SHCBP1L: variants seen among roughly 807,000 people sequenced by gnomAD.
SHCBP1L encodes SHC binding and spindle associated 1 like, also known as testicular spindle-associated protein SHCBP1L.
A neutral mutation model predicts 62.5 loss-of-function variants in SHCBP1L; 67 were observed. The observed-to-expected ratio is 1.07, with a 90% CI of 0.88 to 1.31. The LOEUF (loss-of-function observed/expected upper bound fraction) is 1.31, where lower values mean the gene tolerates loss of function less well. SHCBP1L is among the 40% of genes most tolerant of loss of function. SHCBP1L has a pLI of 0.00. For missense variants in SHCBP1L, 823 were observed against 809.8 expected (o/e 1.02, Z -0.20); for synonymous variants, 284 against 289.4 (o/e 0.98, Z 0.19).
chr1:182,924,696 GAAAGGAAGAAAGAAAGA>G (rs1460712742), intron 6 of SHCBP1L, among the ~76,000 whole-genome samples: 3 of 77,010 alleles, frequency 3.9e-5, no homozygotes, highest in Admixed American at 1.8e-4. Context: ...GAAAGGAAAG[GAAAGGAAGAAAGAAAGA>G]AAGAAAGAAA....
At position 182,900,021 on chromosome 1, in the gene SHCBP1L, C is replaced by G. The variant is rs1408960715; in HGVS notation, c.1924G>C (p.Ala642Pro). ...NLEMNNNKIE[A>P]NVKGDIRIVT... The stretch of plus-strand genomic sequence containing the variant: ...ATTCTGATATCCCCCTTGACGTTTG[C>G]TTCTATCTTATTATTATTCATTTCC... The change falls in exon 10 of 10, where the codon GCA becomes CCA. Residue 642 changes from alanine (A) to proline (P), a missense_variant. Transcript: ENST00000367547. 1 of 1,612,254 alleles carries G rather than the reference C, an allele frequency of 6.2e-7. No homozygotes were observed. The highest frequency in any genetic ancestry group is 1.7e-5 in the Admixed American group (1 of 59,780).
chr1:182,906,223 A>C (rs1034327590), intron 6 of SHCBP1L, among the ~76,000 whole-genome samples: 2 of 152,040 alleles, frequency 1.3e-5, no homozygotes, highest in East Asian at 1.9e-4. Context: ...GGCATAAGCC[A>C]CCGTGCCCGG....
rs536552931 is a variant in SHCBP1L at position 182,931,646 on chromosome 1, T to C, written c.1077-1894A>G. ...AGTTTCAGATTTTCAGCAAAGTTGA[T>C]CAAAAAGAAGAGAGTTCCTGTGTAT... On this transcript the variant is annotated intron_variant, in intron 5 of 9. Coordinates refer to ENST00000367547, the MANE Select transcript of SHCBP1L (RefSeq NM_030933.4). Among the ~76,000 whole-genome samples, 4 of 152,260 alleles carry C rather than the reference T, an allele frequency of 2.6e-5. No homozygotes were observed. The South Asian group carries it at 8.3e-4, about 32-fold the overall frequency.
chr1:182,952,472 A>G, intron 1 of SHCBP1L: 1 of 435,652 alleles, frequency 2.3e-6, no homozygotes, highest in Non-Finnish European at 4.0e-6. Flanking sequence ...AGGAGCTCTC[A>G]GAAAATTCTC....
Position 182,952,900 on chromosome 1 carries a change from G to A in SHCBP1L, c.234C>T (p.Ala78=), listed in dbSNP as rs776852872. The A allele has an allele frequency of 6.3e-7, 1 of 1,582,484 alleles. No homozygotes were observed. Among genetic ancestry groups the A allele is most frequent in the Non-Finnish European group, 8.6e-7 (1 of 1,165,310 alleles). ...LRLQRLPAAQ[A]EDTGEAAAAA... Reference sequence around the variant, plus strand: ...CCGCCGCCGCCTCTCCCGTGTCCTCGGCCTGAGCCGCGGGCAGGCGCTGGA... The same window carrying A: ...CCGCCGCCGCCTCTCCCGTGTCCTCAGCCTGAGCCGCGGGCAGGCGCTGGA... Residue 78 remains alanine (A), a synonymous_variant, in exon 1 of 10, where the codon GCC becomes GCT. Transcript: ENST00000367547.
At chr1:182,929,595 G>T in intron 6 of SHCBP1L, 52 bp downstream of exon 6, 2 of 1,244,174 alleles carry the variant, frequency 1.6e-6, no homozygotes, top group East Asian at 2.6e-5. Context: ...CTTCTTTTCC[G>T]ATTATACACA....
intron 6 of SHCBP1L, among the ~76,000 whole-genome samples, chr1:182,924,725 A>G (rs948398606): frequency 3.1e-3 from 242 of 78,132 alleles, no homozygotes; most frequent in African/African-American, 6.3e-3. Context: ...AGAAAGAAAG[A>G]AAGAAAGAAA....
At chr1:182,907,759 A>G (rs932877344) in intron 6 of SHCBP1L, among the ~76,000 whole-genome samples, 2 of 151,908 alleles carry the variant, frequency 1.3e-5, no homozygotes, top group African/African-American at 4.8e-5. Context: ...TTGTATTTTT[A>G]GTGGAGACGG....
Position 182,940,372 on chromosome 1 carries a change from C to T in SHCBP1L, c.727G>A (p.Asp243Asn), listed in dbSNP as rs1010790780. The change falls in exon 3 of 10, where the codon GAT (aspartate) becomes AAT (asparagine). Residue 243 changes from aspartate (D) to asparagine (N), a missense_variant. Asp to Asn is a conservative substitution (Grantham distance 23). Coordinates refer to ENST00000367547, the MANE Select transcript of SHCBP1L (RefSeq NM_030933.4). ...AAAGCAATAACATGTATATCAGTAT[C>T]TTGTCCCTCAACAGGATACACTTCC... Reference protein sequence around the residue: ...LLEVYPVEGQDTDIHVIALAL... With the variant: ...LLEVYPVEGQNTDIHVIALAL... The T allele has an allele frequency of 1.2e-6, 2 of 1,613,932 alleles. No individual in the cohort carries two copies. The highest frequency in any genetic ancestry group is 1.7e-6 in the Non-Finnish European group (2 of 1,179,936).
At chr1:182,911,269 A>G (rs1650177505) in intron 6 of SHCBP1L, among the ~76,000 whole-genome samples, 1 of 152,192 alleles carries the variant, frequency 6.6e-6, no homozygotes, top group Non-Finnish European at 1.5e-5. Context: ...CACAACAAAG[A>G]CTTCAAGTGC....
At chr1:182,952,176 A>T (rs1571364087) in intron 1 of SHCBP1L, among the ~76,000 whole-genome samples, 1 of 42,892 alleles carries the variant, frequency 2.3e-5, no homozygotes, top group African/African-American at 1.0e-4. Flanking sequence ...AAAAAAAAAA[A>T]AAAAAAAAAA....
intron 6 of SHCBP1L, among the ~76,000 whole-genome samples, chr1:182,924,770 AAG>A (rs1453948287): frequency 1.8e-5 from 2 of 110,584 alleles, no homozygotes; most frequent in South Asian, 3.4e-4. Context: ...GAAAGAAAGA[AAG>A]AAAGAAAGAA....
At chr1:182,928,139 T>G (rs1033279311) in intron 6 of SHCBP1L, among the ~76,000 whole-genome samples, 7 of 152,004 alleles carry the variant, frequency 4.6e-5, no homozygotes, top group African/African-American at 1.7e-4. Context: ...ATTGGTAGAA[T>G]AGCAGACAAG....
intron 6 of SHCBP1L, among the ~76,000 whole-genome samples, chr1:182,913,560 C>T (rs191330547): frequency 2.0e-5 from 3 of 152,270 alleles, no homozygotes; most frequent in East Asian, 1.9e-4. Flanking sequence ...TACTTGAAAA[C>T]GTAATGGCCG....
intron 6 of SHCBP1L, among the ~76,000 whole-genome samples, chr1:182,913,676 T>C (rs559282039): frequency 5.9e-5 from 9 of 152,196 alleles, no homozygotes; most frequent in African/African-American, 2.2e-4. Flanking sequence ...AATATTATAA[T>C]CAAACAATTA....
chr1:182,940,586 A>T (rs759010337), intron 2 of SHCBP1L, 43 bp from the exon 3 acceptor site: 24 of 1,527,884 alleles, frequency 1.6e-5, no homozygotes, highest in Non-Finnish European at 2.1e-5. Context: ...AGTTATAAAT[A>T]TCAGTAAACC....
At chr1:182,939,436 T>G in intron 4 of SHCBP1L, 31 bp downstream of exon 4, 1 of 1,607,236 alleles carries the variant, frequency 6.2e-7, no homozygotes, top group East Asian at 2.2e-5. Context: ...TTTTTTCTAA[T>G]GTGCGGTATA....
At chr1:182,908,122 T>C (rs1477144740) in intron 6 of SHCBP1L, among the ~76,000 whole-genome samples, 3 of 152,206 alleles carry the variant, frequency 2.0e-5, no homozygotes, top group Non-Finnish European at 2.9e-5. Context: ...TTTAAATAAT[T>C]TTTCAAAGCC....
intron 6 of SHCBP1L, among the ~76,000 whole-genome samples, chr1:182,924,942 GAAAGAAAGA>G (rs1650679679): frequency 3.8e-5 from 4 of 104,634 alleles, no homozygotes; most frequent in African/African-American, 1.7e-4. Flanking sequence ...AAGGAAGAAA[GAAAGAAAGA>G]AAGAAAGAAA....
Sources: allele counts gnomAD v4.1 joint callset (sites outside exome capture counted in the v4.1 genomes callset), GRCh38; gene constraint gnomAD v4.1.1; transcripts MANE v1.5; gene names NCBI Gene and HGNC (gene_info 2026-07-23, HGNC 2026-07-21).